Variants in MAN1A2 observed in about 807,000 individuals in gnomAD.
The protein encoded by MAN1A2 is mannosidase alpha class 1A member 2, also known as mannosyl-oligosaccharide 1,2-alpha-mannosidase IB.
In MAN1A2, 26 loss-of-function variants were observed where a neutral mutation model predicts 75.7. The observed-to-expected ratio is 0.34, with a 90% CI of 0.25 to 0.48. The LOEUF (loss-of-function observed/expected upper bound fraction) is 0.48. Ranked by LOEUF, MAN1A2 falls within the 20% of genes least tolerant of loss-of-function variation. The pLI, the probability that MAN1A2 is intolerant of heterozygous loss-of-function variation, is 0.99. For synonymous variants in MAN1A2, 247 were observed against 264.6 expected (o/e 0.93, Z 0.65); for missense variants, 562 against 775.5 (o/e 0.72, Z 3.27).
intron 5 of MAN1A2, among the ~76,000 whole-genome samples, chr1:117,431,278 A>G (rs887107352): frequency 6.6e-6 from 1 of 150,630 alleles, no homozygotes; most frequent in Non-Finnish European, 1.5e-5. Flanking sequence ...TTAGAAAGAC[A>G]TAATCACAAC....
intron 1 of MAN1A2, among the ~76,000 whole-genome samples, chr1:117,392,884 G>A (rs1392949595): frequency 2.6e-5 from 4 of 152,206 alleles, no homozygotes; most frequent in Non-Finnish European, 4.4e-5. Flanking sequence ...ATTGGATTTG[G>A]TATAAAAGCT....
intron 3 of MAN1A2, among the ~76,000 whole-genome samples, chr1:117,413,894 A>T (rs914108908): frequency 1.3e-5 from 2 of 151,986 alleles, no homozygotes; most frequent in African/African-American, 4.8e-5. Flanking sequence ...GTAGCAAAAC[A>T]AACCTAGTTT....
At chr1:117,480,435 T>C (rs563686087) in intron 8 of MAN1A2, among the ~76,000 whole-genome samples, 13 of 152,040 alleles carry the variant, frequency 8.6e-5, no homozygotes, top group African/African-American at 3.1e-4. Flanking sequence ...CTGATGTTCA[T>C]TGTCTTGAAA....
At position 117,446,333 on chromosome 1, in the gene MAN1A2, T is replaced by C. The variant is rs970354852; in HGVS notation, c.950+4008T>C. ...TCTTATTGGAGCTACTTTGCTCTTT[T>C]TCTGGCTCCTTACATTGGAACTGTA... On this transcript the variant is annotated intron_variant, in intron 6 of 12. Transcript: ENST00000356554. Among the ~76,000 whole-genome samples the C allele has an allele frequency of 4.6e-5, 7 of 152,216 alleles. No individual in the cohort carries two copies. The Middle Eastern group carries it at 0.014, about 296-fold the overall frequency.
intron 12 of MAN1A2, among the ~76,000 whole-genome samples, chr1:117,507,797 A>G (rs1469559500): frequency 2.6e-5 from 4 of 151,664 alleles, no homozygotes; most frequent in African/African-American, 9.7e-5. Flanking sequence ...GAAGAGCTAA[A>G]TGGTACTACT....
chr1:117,436,027 C>G (rs1016251487), intron 5 of MAN1A2, among the ~76,000 whole-genome samples: 14 of 152,126 alleles, frequency 9.2e-5, no homozygotes, highest in Non-Finnish European at 1.3e-4. Context: ...TGTTGCACTC[C>G]AGCCTGGGCA....
intron 8 of MAN1A2, among the ~76,000 whole-genome samples, chr1:117,478,922 C>A (rs377259919): frequency 1.6e-4 from 24 of 148,086 alleles, no homozygotes; most frequent in African/African-American, 5.0e-4. Flanking sequence ...CTTTTTTTTT[C>A]TTCTTCAACT....
chr1:117,429,371 A>AGGGGCGGCC (rs1648496610), intron 5 of MAN1A2, among the ~76,000 whole-genome samples: 1 of 136,354 alleles, frequency 7.3e-6, no homozygotes, highest in African/African-American at 2.8e-5. Context: ...ACTTCCCAGT[A>AGGGGCGGCC]GGGGCGGCCG....
At chr1:117,495,786 C>T (rs1651020479) in intron 9 of MAN1A2, among the ~76,000 whole-genome samples, 1 of 151,848 alleles carries the variant, frequency 6.6e-6, no homozygotes, top group Admixed American at 6.6e-5. Flanking sequence ...CCACCCCATA[C>T]TCAAAAAACT....
intron 5 of MAN1A2, among the ~76,000 whole-genome samples, chr1:117,429,363 T>C (rs1648496045): frequency 7.4e-6 from 1 of 135,194 alleles, no homozygotes; most frequent in Admixed American, 7.1e-5. Context: ...GGCTCCTCAC[T>C]TCCCAGTAGG....
intron 3 of MAN1A2, among the ~76,000 whole-genome samples, chr1:117,409,324 A>G (rs562821317): frequency 6.6e-6 from 1 of 152,066 alleles, no homozygotes; most frequent in South Asian, 2.1e-4. Context: ...TTTTCATTCA[A>G]TTCAGTGTTT....
intron 5 of MAN1A2, among the ~76,000 whole-genome samples, chr1:117,429,343 C>T (rs1233410299): frequency 1.8e-4 from 25 of 139,066 alleles, no homozygotes; most frequent in African/African-American, 5.1e-4. Context: ...GGGTGGTGGC[C>T]GGGCAGAGGG....
intron 8 of MAN1A2, among the ~76,000 whole-genome samples, chr1:117,470,184 CA>C (rs1438152099): frequency 6.6e-6 from 1 of 152,074 alleles, no homozygotes; most frequent in Non-Finnish European, 1.5e-5. Flanking sequence ...ACCTTGAAAA[CA>C]TTATGCTAAT....
intron 1 of MAN1A2, among the ~76,000 whole-genome samples, chr1:117,400,833 A>G (rs1355899003): frequency 6.6e-6 from 1 of 151,632 alleles, no homozygotes; most frequent in African/African-American, 2.4e-5. Flanking sequence ...TTTGTCCTCC[A>G]TTTTTTTTCA....
chr1:117,499,809 G>A (rs1350251603), intron 11 of MAN1A2, among the ~76,000 whole-genome samples: 1 of 150,116 alleles, frequency 6.7e-6, no homozygotes, highest in Non-Finnish European at 1.5e-5. Context: ...TTAATGGTTA[G>A]TTAAGTAAAG....
At chr1:117,462,720 A>G (rs1649859034) in intron 7 of MAN1A2, among the ~76,000 whole-genome samples, 1 of 152,148 alleles carries the variant, frequency 6.6e-6, no homozygotes, top group Non-Finnish European at 1.5e-5. Flanking sequence ...GCTTGTGGAA[A>G]ACGTAATTTT....
chr1:117,527,651 C>G lies in MAN1A2; in HGVS notation c.*4694C>G, dbSNP rs1382660556. 6.6e-6 allele frequency: 1 copy of G among 151,912 alleles called. No homozygotes were observed. Among genetic ancestry groups the G allele is most frequent in the East Asian group, 1.9e-4 (1 of 5,174 alleles). The allele number at this position is 151,912 out of a possible 1,614,324, so 9.4% of individuals were successfully genotyped here. On this transcript the variant is annotated 3_prime_UTR_variant, in exon 13 of 13. Transcript: ENST00000356554. ...ATTTTCTTTGCCTTGTCATTTAATG[C>G]CATAATTTCAGATTCTCTATGTAAA...
Position 117,528,077 on chromosome 1 carries a change from A to G in MAN1A2, c.*5120A>G, listed in dbSNP as rs1419730507. On this transcript the variant is annotated 3_prime_UTR_variant, in exon 13 of 13. Coordinates refer to ENST00000356554, the MANE Select transcript of MAN1A2 (RefSeq NM_006699.5). ...GCATTATTTCAGAATGTCTATATGC[A>G]TCATTTTCAACTAAAGCATACCTCA... is the stretch of plus-strand genomic sequence containing the variant. 6.6e-6 allele frequency: 1 copy of G among 152,038 alleles called. No individual in the cohort carries two copies. The highest frequency in any genetic ancestry group is 1.5e-5 in the Non-Finnish European group (1 of 67,958). 9.4% of individuals were successfully genotyped at this position (152,038 alleles called of 1,614,324 possible). A position where few individuals can be genotyped will look rare whatever the true frequency, so the allele number is the denominator to read the frequency against.
intron 12 of MAN1A2, among the ~76,000 whole-genome samples, chr1:117,507,181 G>T (rs1447904376): frequency 6.6e-6 from 1 of 151,484 alleles, no homozygotes; most frequent in Non-Finnish European, 1.5e-5. Flanking sequence ...GATGAAAACA[G>T]ACCCACAACA....
Sources: gnomAD v4.1 joint callset for allele counts (sites outside exome capture counted in the v4.1 genomes callset) on GRCh38, gnomAD v4.1.1 for gene constraint, MANE v1.5 for transcripts, NCBI Gene and HGNC (gene_info 2026-07-23, HGNC 2026-07-21) for gene names.